Variants in FAM107B observed in about 807,000 individuals in gnomAD.
FAM107B encodes protein FAM107B.
A neutral mutation model predicts 31.5 loss-of-function variants in FAM107B; 21 were observed. That is an observed-to-expected ratio of 0.67 (90% CI 0.47 to 0.96). The LOEUF (loss-of-function observed/expected upper bound fraction) is 0.96, where lower values mean the gene tolerates loss of function less well. FAM107B is among the 40% of genes least tolerant of loss of function. The pLI, the probability that FAM107B is intolerant of heterozygous loss-of-function variation, is 0.00. For synonymous variants in FAM107B, 157 were observed against 141.5 expected, an observed-to-expected ratio of 1.11 and a Z score of -0.78; for missense variants, 452 against 377.1, an observed-to-expected ratio of 1.20 and a Z score of -1.64.
intron 1 of FAM107B, among the ~76,000 whole-genome samples, chr10:14,708,588 G>T (rs1364889095): frequency 6.6e-6 from 1 of 152,046 alleles, no homozygotes; most frequent in African/African-American, 2.4e-5. Flanking sequence ...TTTGAGCATG[G>T]GATCTTAACC....
rs1855849794 is a variant in FAM107B at position 14,719,014 on chromosome 10, G to A, written c.412-51323C>T. On this transcript the variant is annotated intron_variant, in intron 1 of 4. Coordinates refer to ENST00000181796, the MANE Select transcript of FAM107B (RefSeq NM_031453.4). ...ACAGTCCTGAGATTTTACTGGCGCA[G>A]AACTAAGACTAGAGTTCAGGCCTTC... Among the ~76,000 whole-genome samples, 4 of 152,330 alleles carry A rather than the reference G, an allele frequency of 2.6e-5. No homozygotes were observed. The South Asian group carries it at 8.3e-4, about 32-fold the overall frequency.
At chr10:14,748,813 C>A (rs959223710) in intron 1 of FAM107B, among the ~76,000 whole-genome samples, 6 of 152,176 alleles carry the variant, frequency 3.9e-5, no homozygotes, top group Non-Finnish European at 1.5e-5. Flanking sequence ...CTGACTAATA[C>A]CGAGAGGTTT....
At chr10:14,686,086 A>T (rs1854979197) in intron 1 of FAM107B, among the ~76,000 whole-genome samples, 2 of 152,194 alleles carry the variant, frequency 1.3e-5, no homozygotes, top group African/African-American at 4.8e-5. Context: ...GGGGATTATT[A>T]CAATTCAAGG....
chr10:14,749,992 A>C (rs951117503), intron 1 of FAM107B, among the ~76,000 whole-genome samples: 1 of 152,166 alleles, frequency 6.6e-6, no homozygotes, highest in Admixed American at 6.5e-5. Context: ...CATCTTGAAG[A>C]GCGAGGGGGT....
chr10:14,581,951 A>G (rs932677353), intron 2 of FAM107B, among the ~76,000 whole-genome samples: 1 of 152,202 alleles, frequency 6.6e-6, no homozygotes, highest in Non-Finnish European at 1.5e-5. Flanking sequence ...CCCATTTATC[A>G]TAAGGAGACA....
At chr10:14,623,655 A>G (rs1322802329) in intron 2 of FAM107B, among the ~76,000 whole-genome samples, 6 of 152,164 alleles carry the variant, frequency 3.9e-5, no homozygotes, top group African/African-American at 1.4e-4. Flanking sequence ...GTGAAACCCC[A>G]TCTCTACTAA....
intron 2 of FAM107B, chr10:14,604,405 C>A (rs1463077122): frequency 2.3e-5 from 5 of 212,916 alleles, no homozygotes; most frequent in South Asian, 1.6e-4. Flanking sequence ...GGCTCTCGCT[C>A]CCCGCGGCCC....
chr10:14,566,922 C>T (rs775273386), intron 2 of FAM107B, among the ~76,000 whole-genome samples: 10 of 152,094 alleles, frequency 6.6e-5, no homozygotes, highest in African/African-American at 1.9e-4. Flanking sequence ...GAGGCCGAGG[C>T]GGGCAAAACA....
chr10:14,576,694 G>C (rs548378778), intron 2 of FAM107B, among the ~76,000 whole-genome samples: 2 of 152,160 alleles, frequency 1.3e-5, no homozygotes, highest in African/African-American at 4.8e-5. Context: ...AATTCTAACA[G>C]TGCAAACACA....
chr10:14,543,262 C>T (rs756769879), intron 2 of FAM107B, among the ~76,000 whole-genome samples: 8 of 152,170 alleles, frequency 5.3e-5, no homozygotes, highest in Non-Finnish European at 1.0e-4. Context: ...ACCCGTCATA[C>T]GTGTTTCTTT....
chr10:14,522,141 A>G, intron 3 of FAM107B, 122 bp from the exon 4 acceptor site: 1 of 1,266,564 alleles, frequency 7.9e-7, no homozygotes, highest in East Asian at 2.5e-5. Context: ...TATGATACCT[A>G]CTAGGCTACA....
rs1277308291 is a variant in FAM107B, at chr10:14,547,900, T to C, written c.470-17385A>G. Among the ~76,000 whole-genome samples the C allele has an allele frequency of 5.3e-5, 8 of 152,380 alleles. No individual in the cohort carries two copies. In the East Asian group the frequency reaches 1.5e-3, roughly 29 times the overall value. On this transcript the variant is annotated intron_variant, in intron 2 of 4. Coordinates refer to ENST00000181796, the MANE Select transcript of FAM107B (RefSeq NM_031453.4). ...GAGCGTGAGGACAGGGACACATCTC[T>C]GTCTGGGTCTTTGGAGGATTGTCTG...
At chr10:14,632,573 T>C (rs1351340551) in intron 2 of FAM107B, among the ~76,000 whole-genome samples, 5 of 138,492 alleles carry the variant, frequency 3.6e-5, no homozygotes, top group Admixed American at 1.5e-4. Flanking sequence ...ATTGCGCCAC[T>C]GCACTCCAGC....
chr10:14,658,102 C>T (rs980662028), intron 2 of FAM107B, among the ~76,000 whole-genome samples: 1 of 152,138 alleles, frequency 6.6e-6, no homozygotes, highest in Non-Finnish European at 1.5e-5. Flanking sequence ...GTAATTAGCA[C>T]CTGGCTAACC....
intron 1 of FAM107B, among the ~76,000 whole-genome samples, chr10:14,713,269 G>T (rs74122957): frequency 3.3e-5 from 5 of 152,068 alleles, no homozygotes; most frequent in African/African-American, 1.2e-4. Context: ...AAGCTTTATC[G>T]AGAACGTTCA....
intron 2 of FAM107B, among the ~76,000 whole-genome samples, chr10:14,634,977 T>TG (rs1383656204): frequency 6.6e-6 from 1 of 151,950 alleles, no homozygotes; most frequent in Non-Finnish European, 1.5e-5. Context: ...TAATCCCAGC[T>TG]ACTCGGCAGG....
chr10:14,569,249 T>C (rs576822204), intron 2 of FAM107B, among the ~76,000 whole-genome samples: 54 of 152,330 alleles, frequency 3.5e-4, no homozygotes, highest in African/African-American at 1.3e-3. Flanking sequence ...TTTGCAGATA[T>C]AACTGCCAAC....
chr10:14,520,017 G>C lies in FAM107B; in HGVS notation c.*1173C>G, dbSNP rs1038587553. The C allele has an allele frequency of 5.2e-5, 8 of 152,750 alleles. No individual in the cohort carries two copies. The highest frequency in any genetic ancestry group is 2.6e-4 in the Admixed American group (4 of 15,288). 9.5% of individuals were successfully genotyped at this position (152,750 alleles called of 1,614,324 possible). On this transcript the variant is annotated 3_prime_UTR_variant, in exon 5 of 5. Coordinates refer to ENST00000181796, the MANE Select transcript of FAM107B (RefSeq NM_031453.4). ...CCCTTCCCATCAGCTGTTCCTGAGA[G>C]ATGCAATATAGTAGTCATCGACATC...
At position 14,644,088 on chromosome 10, in the gene FAM107B, T is replaced by C. The variant is rs191692951; in HGVS notation, c.469+23546A>G. ...AATGAAGGATATTTCCTCTCTCTCT[T>C]TGTATTCTTATTCTCTCTCACTCTG... On this transcript the variant is annotated intron_variant, in intron 2 of 4. Transcript: ENST00000181796. 3.0e-3 allele frequency among the ~76,000 whole-genome samples: 460 copies of C among 152,314 alleles called. 5 individuals carry two copies. The highest frequency in any genetic ancestry group is 6.8e-3 in the Middle Eastern group (2 of 294).
Sources: gnomAD v4.1 joint callset for allele counts (sites outside exome capture counted in the v4.1 genomes callset) on GRCh38, gnomAD v4.1.1 for gene constraint, MANE v1.5 for transcripts, NCBI Gene and HGNC (gene_info 2026-07-23, HGNC 2026-07-21) for gene names.